Variants in MRPS5 observed in about 807,000 individuals in gnomAD.
MRPS5 encodes the protein mitochondrial ribosomal protein S5, also known as small ribosomal subunit protein uS5m.
MRPS5 carries 27 observed loss-of-function variants against 51.9 expected under a neutral mutation model. That is an observed-to-expected ratio of 0.52 (90% CI 0.38 to 0.72). The LOEUF is 0.72. Among genes scored for constraint, MRPS5 ranks in the 30% least tolerant of loss-of-function variants. MRPS5 has a pLI of 0.00. For synonymous variants in MRPS5, 196 were observed against 193.2 expected, an observed-to-expected ratio of 1.01 and a Z score of -0.12; for missense variants, 570 against 545.7, an observed-to-expected ratio of 1.04 and a Z score of -0.44.
intron 9 of MRPS5, 147 bp from the exon 10 acceptor site, chr2:95,100,683 G>A: frequency 2.3e-6 from 2 of 883,526 alleles, no homozygotes; most frequent in Non-Finnish European, 3.4e-6. Context: ...ATTCATTTTA[G>A]TAACCTTCTT....
rs540610740 is a variant in MRPS5 at position 95,085,698 on chromosome 2, G to A, written c.*1659C>T. Among the ~76,000 whole-genome samples the A allele has an allele frequency of 1.3e-5, 2 of 152,238 alleles. No individual in the cohort carries two copies. Among genetic ancestry groups the A allele is most frequent in the Non-Finnish European group, 2.9e-5 (2 of 68,010 alleles). ...GAAACCTGGATCTCCATCCTCACCA[G>A]GCAGTAACGAGGCAGTGCCCCATCC... On this transcript the variant is annotated 3_prime_UTR_variant, in exon 12 of 12. Coordinates refer to ENST00000272418, the MANE Select transcript of MRPS5 (RefSeq NM_031902.5).
In MRPS5 at chr2:95,109,908, A is replaced by C. The variant is rs1676066424; in HGVS notation, c.403+8T>G. 6.2e-7 allele frequency: 1 copy of C among 1,600,166 alleles called. No individual in the cohort carries two copies. The highest frequency in any genetic ancestry group is 1.1e-5 in the South Asian group (1 of 87,834). On this transcript the variant is annotated splice_region_variant and intron_variant, in intron 4 of 11. Coordinates refer to ENST00000272418, the MANE Select transcript of MRPS5 (RefSeq NM_031902.5). Reference sequence around the variant, plus strand: ...AAGCACTTTAGCTATTTTTATAAATAAGTTTACCTTCACCAATGATCTGAC... The same window carrying C: ...AAGCACTTTAGCTATTTTTATAAATCAGTTTACCTTCACCAATGATCTGAC...
At chr2:95,112,548 T>C (rs1026482861) in intron 3 of MRPS5, among the ~76,000 whole-genome samples, 2 of 152,236 alleles carry the variant, frequency 1.3e-5, no homozygotes, top group African/African-American at 4.8e-5. Flanking sequence ...TCAATATTCA[T>C]AGGAAATCAT....
rs891465119 is a variant in MRPS5 at position 95,085,693 on chromosome 2, C to T, written c.*1664G>A. ...AGGAGGAAACCTGGATCTCCATCCT[C>T]ACCAGGCAGTAACGAGGCAGTGCCC... is the stretch of plus-strand genomic sequence containing the variant. On this transcript the variant is annotated 3_prime_UTR_variant, in exon 12 of 12. Coordinates refer to ENST00000272418, the MANE Select transcript of MRPS5 (RefSeq NM_031902.5). Among the ~76,000 whole-genome samples the T allele has an allele frequency of 4.6e-5, 7 of 152,160 alleles. No individual in the cohort carries two copies. The highest frequency in any genetic ancestry group is 1.7e-4 in the African/African-American group (7 of 41,436).
At chr2:95,111,440 A>T (rs1032026377) in intron 3 of MRPS5, among the ~76,000 whole-genome samples, 3 of 152,222 alleles carry the variant, frequency 2.0e-5, no homozygotes, top group African/African-American at 4.8e-5. Flanking sequence ...ACTCATTAAG[A>T]TGAAAAGAGA....
chr2:95,100,718 A>G (rs150752096), intron 9 of MRPS5, 119 bp downstream of exon 9: 2 of 914,274 alleles, frequency 2.2e-6, no homozygotes, highest in East Asian at 5.2e-5. Context: ...CACACTTCAT[A>G]TATTTGTAAG....
At chr2:95,106,341 A>G in intron 6 of MRPS5, 82 bp downstream of exon 6, 1 of 1,132,400 alleles carries the variant, frequency 8.8e-7, no homozygotes, top group South Asian at 1.2e-5. Flanking sequence ...GCCTTCCCTT[A>G]CAGTTCCTCT....
At chr2:95,121,606 G>C in intron 1 of MRPS5, 128 bp downstream of exon 1, 3 of 1,034,820 alleles carry the variant, frequency 2.9e-6, no homozygotes, top group Non-Finnish European at 4.0e-6. Context: ...GCGGAAGGTG[G>C]GGGCACGGCG....
At chr2:95,106,304 T>C (rs1675946467) in intron 6 of MRPS5, 119 bp downstream of exon 6, 1 of 822,292 alleles carries the variant, frequency 1.2e-6, no homozygotes, top group Non-Finnish European at 2.1e-6. Flanking sequence ...AGATCAGCTG[T>C]GTGTCAGAAA....
intron 10 of MRPS5, 99 bp downstream of exon 10, chr2:95,100,375 G>C (rs1419571672): frequency 1.2e-6 from 1 of 836,294 alleles, no homozygotes. Context: ...GTGTTTCCAA[G>C]ATGAGTTCAA....
At chr2:95,106,359 T>TGCCAGGCC in intron 6 of MRPS5, 64 bp downstream of exon 6, 5 of 835,114 alleles carry the variant, frequency 6.0e-6, no homozygotes, top group East Asian at 2.5e-5. Flanking sequence ...TCTTGCCCTG[T>TGCCAGGCC]CCCTGCCCCA....
At chr2:95,121,066 C>T (rs556288356) in intron 1 of MRPS5, among the ~76,000 whole-genome samples, 5 of 152,060 alleles carry the variant, frequency 3.3e-5, no homozygotes, top group African/African-American at 1.2e-4. Context: ...TGCAGTGAGC[C>T]GAGATCGCAC....
At chr2:95,120,535 A>C (rs1455996293) in intron 1 of MRPS5, among the ~76,000 whole-genome samples, 1 of 152,166 alleles carries the variant, frequency 6.6e-6, no homozygotes, top group Non-Finnish European at 1.5e-5. Flanking sequence ...TATACTAAAA[A>C]CCACTGAAAT....
intron 1 of MRPS5, among the ~76,000 whole-genome samples, chr2:95,119,476 A>G (rs760027529): frequency 1.3e-5 from 2 of 152,028 alleles, no homozygotes; most frequent in Non-Finnish European, 2.9e-5. Flanking sequence ...GCCAGGCATG[A>G]TGGAACACAT....
intron 10 of MRPS5, among the ~76,000 whole-genome samples, chr2:95,096,701 A>G (rs922111250): frequency 5.9e-5 from 9 of 152,174 alleles, no homozygotes; most frequent in African/African-American, 2.2e-4. Flanking sequence ...AAATAATAAG[A>G]GCTATTTATG....
At chr2:95,101,085 A>C (rs1453985600) in intron 8 of MRPS5, among the ~76,000 whole-genome samples, 191 bp from the exon 9 acceptor site, 2 of 152,240 alleles carry the variant, frequency 1.3e-5, no homozygotes, top group South Asian at 2.1e-4. Context: ...CCCCTAAAAA[A>C]ATTAACAATA....
intron 2 of MRPS5, 98 bp downstream of exon 2, chr2:95,117,767 A>G: frequency 1.0e-6 from 1 of 999,712 alleles, no homozygotes. Context: ...AAAGAGAGAA[A>G]AGAAAAAAGC....
intron 1 of MRPS5, among the ~76,000 whole-genome samples, chr2:95,120,597 G>GAAGCCGTTACCAAAAACA (rs1676414209): frequency 6.6e-6 from 1 of 152,126 alleles, no homozygotes; most frequent in Admixed American, 6.5e-5. Context: ...TCTCAACAAG[G>GAAGCCGTTACCAAAAACA]AAGCCGTTAC....
At chr2:95,098,697 G>A (rs1282305966) in intron 10 of MRPS5, among the ~76,000 whole-genome samples, 3 of 152,048 alleles carry the variant, frequency 2.0e-5, no homozygotes, top group Non-Finnish European at 4.4e-5. Context: ...TGGGTTGGGG[G>A]CAGTGGGGGA....
Sources: gnomAD v4.1 joint callset for allele counts (sites outside exome capture counted in the v4.1 genomes callset) on GRCh38, gnomAD v4.1.1 for gene constraint, MANE v1.5 for transcripts, NCBI Gene and HGNC (gene_info 2026-07-23, HGNC 2026-07-21) for gene names.